The following ROBO2 variants were observed in gnomAD, a reference collection of about 807,000 sequenced individuals.
The protein encoded by ROBO2 is roundabout homolog 2.
In ROBO2, 53 loss-of-function variants were observed where a neutral mutation model predicts 160.8. The ratio of observed to expected loss-of-function variants is 0.33; its 90% CI spans 0.26 to 0.41. ROBO2 has a LOEUF of 0.41. Ranked by LOEUF, ROBO2 falls within the 10% of genes least tolerant of loss-of-function variation. The pLI, the probability that ROBO2 is intolerant of heterozygous loss-of-function variation, is 1.00. For missense variants in ROBO2, 1,577 were observed against 1,722.4 expected, an observed-to-expected ratio of 0.92 and a Z score of 1.49; for synonymous variants, 664 against 611.7, an observed-to-expected ratio of 1.09 and a Z score of -1.26.
intron 2 of ROBO2, among the ~76,000 whole-genome samples, chr3:76,683,708 T>C (rs929297459): frequency 1.3e-5 from 2 of 152,080 alleles, no homozygotes; most frequent in Non-Finnish European, 2.9e-5. Flanking sequence ...AAAAATTCAA[T>C]TTAAGTGAAC....
chr3:76,724,217 C>T (rs2093511000), intron 2 of ROBO2, among the ~76,000 whole-genome samples: 1 of 152,148 alleles, frequency 6.6e-6, no homozygotes, highest in Admixed American at 6.5e-5. Context: ...TCCCAATATC[C>T]AACACTGCAG....
intron 2 of ROBO2, among the ~76,000 whole-genome samples, chr3:77,111,968 T>C (rs753015729): frequency 6.6e-6 from 1 of 151,840 alleles, no homozygotes; most frequent in Non-Finnish European, 1.5e-5. Context: ...TCTCAGCACT[T>C]TGGGAGGCCG....
rs1022863562 is a variant in ROBO2, at chr3:77,563,176, C to A, written c.1529C>A (p.Ala510Glu). The change falls in exon 11 of 26, where the codon GCA (alanine) becomes GAA (glutamate). Residue 510 changes from alanine to glutamate, a missense_variant. Transcript: ENST00000461745. ...TGTCTGTCCTCTATAGAGTCTGGAG[C>A]AACAATCAGTAAAAACTATGATTTA... The A allele has an allele frequency of 3.1e-6, 5 of 1,613,066 alleles. No individual in the cohort carries two copies. In the African/African-American group the frequency reaches 4.0e-5, roughly 13 times the overall value.
At chr3:76,954,248 A>G (rs1440365800) in intron 2 of ROBO2, among the ~76,000 whole-genome samples, 1 of 152,196 alleles carries the variant, frequency 6.6e-6, no homozygotes. Flanking sequence ...ACATATTTAG[A>G]TGTCCCAATA....
intron 2 of ROBO2, among the ~76,000 whole-genome samples, chr3:76,166,571 C>T (rs1235269195): frequency 6.6e-6 from 1 of 151,958 alleles, no homozygotes; most frequent in East Asian, 1.9e-4. Context: ...CCTAACTATC[C>T]AGCTACCTAA....
chr3:76,582,646 A>G (rs1357363152), intron 2 of ROBO2, among the ~76,000 whole-genome samples: 1 of 152,154 alleles, frequency 6.6e-6, no homozygotes, highest in African/African-American at 2.4e-5. Context: ...AATTTAAGAC[A>G]ATTCCTTTCA....
intron 2 of ROBO2, among the ~76,000 whole-genome samples, chr3:76,311,995 G>A (rs773508760): frequency 1.3e-5 from 2 of 152,124 alleles, no homozygotes; most frequent in South Asian, 2.1e-4. Context: ...AAAAATTATC[G>A]TGAGATGGGA....
intron 2 of ROBO2, among the ~76,000 whole-genome samples, chr3:77,147,312 A>C (rs2150492105): frequency 6.6e-6 from 1 of 152,252 alleles, no homozygotes; most frequent in African/African-American, 2.4e-5. Flanking sequence ...ATCCACAAAA[A>C]GGGAGCACTG....
At chr3:76,676,856 T>A (rs962479685) in intron 2 of ROBO2, among the ~76,000 whole-genome samples, 6 of 152,124 alleles carry the variant, frequency 3.9e-5, no homozygotes, top group African/African-American at 1.4e-4. Context: ...TGTCCCTTTT[T>A]CTTATCATTT....
At position 76,170,072 on chromosome 3, in the gene ROBO2, G is replaced by A. The variant is rs141101199; in HGVS notation, c.109+232470G>A. Among the ~76,000 whole-genome samples, 510 of 152,218 alleles carry A rather than the reference G, an allele frequency of 3.4e-3. 1 individual carries two copies. The highest frequency in any genetic ancestry group is 0.011 in the African/African-American group (472 of 41,534). ...TGGGATTACAGGCGTGAGCCACTAT[G>A]CCTGGCCATCGTTAAGGATTTTTAA... On this transcript the variant is annotated intron_variant, in intron 2 of 26. Transcript: ENST00000487694.
intron 2 of ROBO2, among the ~76,000 whole-genome samples, chr3:76,639,140 G>A (rs962658289): frequency 2.6e-5 from 4 of 151,866 alleles, no homozygotes; most frequent in Admixed American, 1.3e-4. Flanking sequence ...TAATATATAT[G>A]TATCTATACA....
At position 76,276,319 on chromosome 3, in the gene ROBO2, C is replaced by T. The variant is rs1576224296; in HGVS notation, c.109+338717C>T. 2.0e-5 allele frequency among the ~76,000 whole-genome samples: 3 copies of T among 152,106 alleles called. 1 individual carries two copies. ...CAATGTCCAATATGATAGATATTAG[C>T]CACATATGGCTATTTAAATTTAAAC... is the stretch of plus-strand genomic sequence containing the variant. On this transcript the variant is annotated intron_variant, in intron 2 of 26. Coordinates refer to the ROBO2 transcript ENST00000487694.
chr3:76,773,332 T>C lies in ROBO2; in HGVS notation c.110-324682T>C, dbSNP rs185001534. 2.5e-3 allele frequency among the ~76,000 whole-genome samples: 375 copies of C among 151,124 alleles called. 1 individual carries two copies. Among genetic ancestry groups the C allele is most frequent in the Admixed American group, 5.2e-3 (79 of 15,134 alleles). ...TAAATTGTGACTTCATGAAGGATTT[T>C]TTTCTTGAAAACTTCTAAGAGTGGT... On this transcript the variant is annotated intron_variant, in intron 2 of 26. Coordinates refer to the ROBO2 transcript ENST00000487694.
intron 2 of ROBO2, among the ~76,000 whole-genome samples, chr3:77,370,298 A>C (rs2071549814): frequency 6.6e-6 from 1 of 152,162 alleles, no homozygotes; most frequent in Non-Finnish European, 1.5e-5. Context: ...CTTGAAACGG[A>C]ATTCACATTT....
intron 2 of ROBO2, among the ~76,000 whole-genome samples, chr3:76,368,343 CTATT>C (rs2075936630): frequency 2.6e-5 from 4 of 151,938 alleles, no homozygotes; most frequent in Admixed American, 2.6e-4. Context: ...AAAACAAAAA[CTATT>C]TATCATAGTT....
chr3:76,978,944 T>TAAAAAA (rs879743178), intron 2 of ROBO2, among the ~76,000 whole-genome samples: 1 of 141,434 alleles, frequency 7.1e-6, no homozygotes, highest in South Asian at 2.2e-4. Context: ...GTTTGTTTTT[T>TAAAAAA]AAAAAAAAAA....
intron 2 of ROBO2, among the ~76,000 whole-genome samples, chr3:76,141,780 A>C (rs1246503195): frequency 6.6e-6 from 1 of 151,932 alleles, no homozygotes; most frequent in Non-Finnish European, 1.5e-5. Flanking sequence ...TTTTCCTCAA[A>C]TATGTTAGAC....
At chr3:76,643,765 G>T (rs1347822667) in intron 2 of ROBO2, among the ~76,000 whole-genome samples, 2 of 151,614 alleles carry the variant, frequency 1.3e-5, no homozygotes, top group Non-Finnish European at 2.9e-5. Flanking sequence ...TCCATTTAAT[G>T]GTTTAAAAAA....
chr3:77,140,274 G>C (rs981189519), intron 2 of ROBO2, among the ~76,000 whole-genome samples: 4 of 152,022 alleles, frequency 2.6e-5, no homozygotes, highest in African/African-American at 9.7e-5. Flanking sequence ...AGCTGGGAGG[G>C]GGGACAAATA....
Sources: gnomAD v4.1 joint callset for allele counts (sites outside exome capture counted in the v4.1 genomes callset) on GRCh38, gnomAD v4.1.1 for gene constraint, MANE v1.5 for transcripts, NCBI Gene and HGNC (gene_info 2026-07-23, HGNC 2026-07-21) for gene names.